Variants in SAMMSON observed in about 807,000 individuals in gnomAD.
SAMMSON encodes the protein long intergenic non-protein coding RNA 1212.
intron 3 of SAMMSON, among the ~76,000 whole-genome samples, chr3:70,037,781 C>T (rs1197071727): frequency 1.3e-5 from 2 of 152,174 alleles, no homozygotes; most frequent in African/African-American, 2.4e-5. Context: ...ATTGCTTCTC[C>T]ATGTAATGCT....
chr3:70,236,769 CT>C (rs1210859483), intron 4 of SAMMSON, among the ~76,000 whole-genome samples: 3 of 151,908 alleles, frequency 2.0e-5, no homozygotes, highest in Middle Eastern at 3.2e-3. Flanking sequence ...CTAATTAAAA[CT>C]TTTTTTGTAG....
chr3:70,121,012 C>T (rs1424029395), intron 4 of SAMMSON, among the ~76,000 whole-genome samples: 1 of 152,174 alleles, frequency 6.6e-6, no homozygotes, highest in East Asian at 1.9e-4. Context: ...TTTCCTGCAA[C>T]TAAATGGTAA....
intron 4 of SAMMSON, among the ~76,000 whole-genome samples, chr3:70,232,600 G>C (rs894787013): frequency 1.3e-5 from 2 of 151,820 alleles, no homozygotes; most frequent in Non-Finnish European, 2.9e-5. Context: ...GGGTTTCACT[G>C]TGTGGGCCAG....
At chr3:70,123,889 GA>G (rs1248032132) in intron 4 of SAMMSON, among the ~76,000 whole-genome samples, 2 of 152,224 alleles carry the variant, frequency 1.3e-5, no homozygotes, top group Admixed American at 6.5e-5. Flanking sequence ...GTATCAGAAT[GA>G]AATGGAGCCA....
At chr3:70,429,278 A>T (rs1050734703) in intron 2 of SAMMSON, among the ~76,000 whole-genome samples, 7 of 152,014 alleles carry the variant, frequency 4.6e-5, no homozygotes, top group Non-Finnish European at 8.8e-5. Context: ...ATGGTTGCAG[A>T]TGTGTGGTGT....
chr3:70,207,334 T>C (rs144357740), intron 4 of SAMMSON, among the ~76,000 whole-genome samples: 6 of 152,240 alleles, frequency 3.9e-5, no homozygotes, highest in African/African-American at 9.6e-5. Context: ...AGTGGCTTTC[T>C]CTGCCTTGGT....
intron 4 of SAMMSON, among the ~76,000 whole-genome samples, chr3:70,188,730 T>C (rs1701109669): frequency 6.6e-6 from 1 of 152,214 alleles, no homozygotes; most frequent in Non-Finnish European, 1.5e-5. Context: ...TCATCTCTTT[T>C]ACTCCTCACA....
At chr3:70,161,553 G>A (rs941834261) in intron 4 of SAMMSON, among the ~76,000 whole-genome samples, 2 of 151,734 alleles carry the variant, frequency 1.3e-5, no homozygotes, top group Non-Finnish European at 2.9e-5. Context: ...TTTATATGTT[G>A]AATTTGGTTT....
chr3:70,076,963 G>A (rs901710453), intron 4 of SAMMSON, among the ~76,000 whole-genome samples: 6 of 152,166 alleles, frequency 3.9e-5, no homozygotes, highest in African/African-American at 9.7e-5. Context: ...TGACAAATCA[G>A]TGGTGGCTTG....
In SAMMSON at chr3:70,190,000, G is replaced by A. The variant is rs12638277; in HGVS notation, n.508-59107G>A. Reference sequence around the variant, plus strand: ...TGGAATATTATAGATTATATTTTATGTTGGAATTACATCAGTGTGCAGAGC... The same window carrying A: ...TGGAATATTATAGATTATATTTTATATTGGAATTACATCAGTGTGCAGAGC... On this transcript the variant is annotated intron_variant and non_coding_transcript_variant, in intron 4 of 9. Coordinates refer to ENST00000642114, the Ensembl canonical transcript of SAMMSON. Among the ~76,000 whole-genome samples, 1,708 of 152,274 alleles carry A rather than the reference G, an allele frequency of 0.011. 67 individuals carry two copies. In the East Asian group the frequency reaches 0.15, roughly 13 times the overall value.
In SAMMSON at chr3:70,355,527, A is replaced by G. The variant is rs76206752; in HGVS notation, n.842+1250A>G. Reference sequence around the variant, plus strand: ...GGAGAATCTTTTAAAATGCTTGCAAAGAAATCAGTTTTAAAATTGGAAGAT... The same window carrying G: ...GGAGAATCTTTTAAAATGCTTGCAAGGAAATCAGTTTTAAAATTGGAAGAT... On this transcript the variant is annotated intron_variant and non_coding_transcript_variant, in intron 8 of 9. Transcript: ENST00000642114. 6.6e-3 allele frequency among the ~76,000 whole-genome samples: 1,005 copies of G among 152,314 alleles called. 18 individuals carry two copies. Among genetic ancestry groups the G allele is most frequent in the African/African-American group, 0.023 (962 of 41,564 alleles).
At chr3:70,284,166 T>C (rs1340260385) in intron 6 of SAMMSON, among the ~76,000 whole-genome samples, 1 of 152,174 alleles carries the variant, frequency 6.6e-6, no homozygotes, top group Non-Finnish European at 1.5e-5. Flanking sequence ...ACAGTGTATT[T>C]CATTTATAGG....
At position 70,349,134 on chromosome 3, in the gene SAMMSON, G is replaced by C. The variant is rs145704998; in HGVS notation, n.740-5041G>C. ...TCATGCCTGTAATCCCAGCACTTTGGGAGGCCGAGGTGGGAGGATCACCCA... is the reference window on the plus strand; with the variant it reads ...TCATGCCTGTAATCCCAGCACTTTGCGAGGCCGAGGTGGGAGGATCACCCA... On this transcript the variant is annotated intron_variant and non_coding_transcript_variant, in intron 7 of 9. Transcript: ENST00000642114. Among the ~76,000 whole-genome samples the C allele has an allele frequency of 2.0e-4, 30 of 152,206 alleles. No homozygotes were observed. In the East Asian group the frequency reaches 5.6e-3, roughly 28 times the overall value.
intron 4 of SAMMSON, among the ~76,000 whole-genome samples, chr3:70,139,961 G>C (rs2067521520): frequency 6.6e-6 from 1 of 151,980 alleles, no homozygotes; most frequent in Non-Finnish European, 1.5e-5. Flanking sequence ...TTCCATACAG[G>C]CTTTCTCATT....
intron 4 of SAMMSON, among the ~76,000 whole-genome samples, chr3:70,200,164 G>A (rs867212409): frequency 2.6e-5 from 4 of 152,142 alleles, no homozygotes; most frequent in Non-Finnish European, 5.9e-5. Context: ...CACCATTTTA[G>A]CTCTGGCCAC....
At chr3:70,334,047 G>T (rs1422140231) in intron 7 of SAMMSON, among the ~76,000 whole-genome samples, 1 of 152,186 alleles carries the variant, frequency 6.6e-6, no homozygotes, top group Non-Finnish European at 1.5e-5. Flanking sequence ...CATATGGAAG[G>T]TTGCCTGTGC....
chr3:70,081,184 G>A (rs1438983935), intron 4 of SAMMSON, among the ~76,000 whole-genome samples: 1 of 152,160 alleles, frequency 6.6e-6, no homozygotes, highest in Admixed American at 6.5e-5. Flanking sequence ...CGCGATCTCT[G>A]CTCACTGCAA....
intron 4 of SAMMSON, among the ~76,000 whole-genome samples, chr3:70,181,010 C>T (rs1014409023): frequency 2.6e-5 from 4 of 152,072 alleles, no homozygotes; most frequent in Middle Eastern, 3.2e-3. Flanking sequence ...AGGCCTTGCA[C>T]GGGGTCAGAT....
intron 4 of SAMMSON, among the ~76,000 whole-genome samples, chr3:70,221,667 A>G (rs1435660654): frequency 1.6e-4 from 24 of 152,160 alleles, no homozygotes; most frequent in East Asian, 1.9e-4. Flanking sequence ...ATGACAAGTG[A>G]CTGGTCAATG....
Sources: gnomAD v4.1 joint callset for allele counts (sites outside exome capture counted in the v4.1 genomes callset) on GRCh38, gnomAD v4.1.1 for gene constraint, MANE v1.5 for transcripts, NCBI Gene and HGNC (gene_info 2026-07-23, HGNC 2026-07-21) for gene names.